Variants in PCDHGC5 observed in about 807,000 individuals in gnomAD.
PCDHGC5 encodes the protein protocadherin gamma-C5.
Under a neutral mutation model 59.0 loss-of-function variants are expected in PCDHGC5, and 25 were observed. That is an observed-to-expected ratio of 0.42 (90% CI 0.31 to 0.59). The LOEUF (loss-of-function observed/expected upper bound fraction) is 0.59, where lower values mean the gene tolerates loss of function less well. Ranked by LOEUF, PCDHGC5 falls within the 20% of genes least tolerant of loss-of-function variation. The pLI, the probability that PCDHGC5 is intolerant of heterozygous loss-of-function variation, is 0.13. For synonymous variants in PCDHGC5, 434 were observed against 505.5 expected (o/e 0.86, Z 1.90); for missense variants, 1,067 against 1,206.4 (o/e 0.88, Z 1.71).
chr5:141,507,151 G>C (rs1423834553), intron 3 of PCDHGC5: 2 of 152,192 alleles, frequency 1.3e-5, no homozygotes, highest in African/African-American at 4.8e-5. Context: ...TATTACCTGA[G>C]CAGGATGAGA....
intron 2 of PCDHGC5, among the ~76,000 whole-genome samples, chr5:141,504,793 C>A (rs1256626821): frequency 9.9e-5 from 15 of 152,166 alleles, no homozygotes; most frequent in Admixed American, 3.9e-4. Context: ...GGGCCTCCTA[C>A]ATCTCCCCCT....
At chr5:141,500,488 C>T (rs569168291) in intron 2 of PCDHGC5, among the ~76,000 whole-genome samples, 4 of 152,178 alleles carry the variant, frequency 2.6e-5, no homozygotes, top group South Asian at 2.1e-4. Flanking sequence ...GGATTACAGG[C>T]GTGAGCCACC....
chr5:141,501,636 C>T (rs2099810310), intron 2 of PCDHGC5, among the ~76,000 whole-genome samples: 1 of 152,130 alleles, frequency 6.6e-6, no homozygotes, highest in South Asian at 2.1e-4. Flanking sequence ...CTCAACCTCT[C>T]TGAGCCCTGT....
At chr5:141,503,474 T>C (rs2099820145) in intron 2 of PCDHGC5, among the ~76,000 whole-genome samples, 1 of 151,828 alleles carries the variant, frequency 6.6e-6, no homozygotes, top group South Asian at 2.1e-4. Context: ...ATGTGTGCAC[T>C]TGTCGTCCCA....
intron 2 of PCDHGC5, among the ~76,000 whole-genome samples, chr5:141,500,281 T>A (rs1254933339): frequency 2.0e-5 from 3 of 151,934 alleles, no homozygotes; most frequent in Non-Finnish European, 4.4e-5. Context: ...CAATCTCGGC[T>A]CACTGCAAGC....
chr5:141,503,213 A>G (rs1368413073), intron 2 of PCDHGC5, among the ~76,000 whole-genome samples: 1 of 152,100 alleles, frequency 6.6e-6, no homozygotes, highest in Non-Finnish European at 1.5e-5. Flanking sequence ...AGTGCCCACC[A>G]TGAGCACCGT....
intron 2 of PCDHGC5, among the ~76,000 whole-genome samples, chr5:141,501,333 A>ACACC (rs1186649373): frequency 5.5e-4 from 77 of 140,128 alleles, no homozygotes; most frequent in African/African-American, 6.0e-4. Context: ...ACACACACAC[A>ACACC]CCCCAAACTC....
intron 2 of PCDHGC5, among the ~76,000 whole-genome samples, chr5:141,499,192 C>T (rs1048812227): frequency 1.1e-4 from 17 of 152,106 alleles, no homozygotes; most frequent in South Asian, 2.1e-4. Flanking sequence ...CCATTTCCCC[C>T]TTCTTAGGCT....
At chr5:141,506,444 CAAA>C (rs1219684339) in intron 3 of PCDHGC5, among the ~76,000 whole-genome samples, 12 of 95,004 alleles carry the variant, frequency 1.3e-4, no homozygotes, top group Admixed American at 3.3e-4. Context: ...CGCTCTGTCT[CAAA>C]AAAAAAAAAA....
intron 2 of PCDHGC5, 117 bp downstream of exon 2, chr5:141,494,982 G>T: frequency 1.3e-6 from 2 of 1,563,940 alleles, no homozygotes; most frequent in Non-Finnish European, 1.7e-6. Flanking sequence ...CTCAGTTTGA[G>T]ATCCCAGGGA....
rs192227219 is a variant in PCDHGC5 at position 141,501,899 on chromosome 5, A to G, written c.2520-3494A>G. Among the ~76,000 whole-genome samples the G allele has an allele frequency of 1.0e-3, 159 of 152,024 alleles. 1 individual carries two copies. The highest frequency in any genetic ancestry group is 6.8e-3 in the Middle Eastern group (2 of 294). ...TACACTCCTGATCATCATGGTTCCA[A>G]CCCCACTGTTCCACTCAGCTTTGTT... is the stretch of plus-strand genomic sequence containing the variant. On this transcript the variant is annotated intron_variant, in intron 2 of 3. Transcript: ENST00000252087.
rs527630741 is a variant in PCDHGC5, at chr5:141,493,568, G to A, written c.2461-1239G>A. ...TTGGAGATTGAGTTCCCCCAGCTCC[G>A]TTTCCTCCTATCACAATCACTGCAT... is the stretch of plus-strand genomic sequence containing the variant. On this transcript the variant is annotated intron_variant, in intron 1 of 3. Coordinates refer to ENST00000252087, the MANE Select transcript of PCDHGC5 (RefSeq NM_018929.3). This position sits in a 1 kb window ranked among gnomAD's most constrained non-coding sequence, Gnocchi z 4.3. 3.9e-5 allele frequency among the ~76,000 whole-genome samples: 6 copies of A among 152,250 alleles called. No homozygotes were observed. Among genetic ancestry groups the A allele is most frequent in the African/African-American group, 9.6e-5 (4 of 41,550 alleles).
intron 2 of PCDHGC5, among the ~76,000 whole-genome samples, chr5:141,500,877 AT>A (rs369345007): frequency 5.2e-4 from 64 of 122,250 alleles, no homozygotes; most frequent in Admixed American, 1.0e-3. Context: ...TTCATTTACA[AT>A]TTTTTTTTTT....
intron 2 of PCDHGC5, among the ~76,000 whole-genome samples, chr5:141,502,500 G>A (rs1398797155): frequency 6.6e-6 from 1 of 152,046 alleles, no homozygotes; most frequent in Non-Finnish European, 1.5e-5. Context: ...ATCTAACGTC[G>A]GCCTGTCCCA....
intron 2 of PCDHGC5, 70 bp downstream of exon 2, chr5:141,494,935 G>T (rs1456805368): frequency 2.5e-6 from 4 of 1,612,364 alleles, no homozygotes; most frequent in African/African-American, 1.3e-5. Context: ...GGGAGGAGAT[G>T]GGGGAGGGCC....
Position 141,490,102 on chromosome 5 carries a change from G to A in PCDHGC5, c.862G>A (p.Ala288Thr), listed in dbSNP as rs377649214. Residue 288 changes from alanine to threonine, a missense_variant, in exon 1 of 4, where the codon GCA (alanine) becomes ACA (threonine). By Grantham distance (58) the Ala-to-Thr change is moderately conservative (BLOSUM62 0). Coordinates refer to ENST00000252087, the MANE Select transcript of PCDHGC5 (RefSeq NM_018929.3). The surrounding 1 kb of genome is among the most constrained non-coding windows in gnomAD (Gnocchi z 5.4). ...DYSFGDHTSEAVRNLFGLDPS... is the reference protein window; with the variant it reads ...DYSFGDHTSETVRNLFGLDPS... ...TTCTTTTGGAGACCACACATCTGAG[G>A]CAGTGCGGAACCTCTTTGGCCTAGA... 4.3e-6 allele frequency: 7 copies of A among 1,614,144 alleles called. No homozygotes were observed. The African/African-American group carries it at 9.3e-5, about 22-fold the overall frequency.
intron 2 of PCDHGC5, among the ~76,000 whole-genome samples, chr5:141,501,049 A>G (rs1458722311): frequency 1.3e-5 from 2 of 151,844 alleles, no homozygotes; most frequent in African/African-American, 2.4e-5. Flanking sequence ...TTGTATTTTT[A>G]GTAGAGACGG....
At chr5:141,492,954 A>G (rs2099745299) in intron 1 of PCDHGC5, among the ~76,000 whole-genome samples, 1 of 152,212 alleles carries the variant, frequency 6.6e-6, no homozygotes, top group Non-Finnish European at 1.5e-5. Context: ...TGACCAAACT[A>G]TCTGACACTC....
intron 2 of PCDHGC5, among the ~76,000 whole-genome samples, chr5:141,504,689 G>A (rs1395389800): frequency 6.6e-6 from 1 of 151,502 alleles, no homozygotes; most frequent in South Asian, 2.1e-4. Context: ...TAAAATAGGA[G>A]GGGCAGGTTC....
Sources: gnomAD v4.1 joint callset for allele counts (sites outside exome capture counted in the v4.1 genomes callset) on GRCh38, gnomAD v4.1.1 for gene constraint, Gnocchi (gnomAD v3.1) non-coding constraint, MANE v1.5 for transcripts, NCBI Gene and HGNC (gene_info 2026-07-23, HGNC 2026-07-21) for gene names.